The following SLC11A1 variants were observed in gnomAD, a reference collection of about 807,000 sequenced individuals.
SLC11A1 encodes the protein natural resistance-associated macrophage protein 1.
Under a neutral mutation model 63.2 loss-of-function variants are expected in SLC11A1, and 59 were observed. That is an observed-to-expected ratio of 0.93 (90% CI 0.76 to 1.16). The LOEUF is 1.16. Among genes scored for constraint, SLC11A1 ranks in the 50% most tolerant of loss-of-function variants. SLC11A1 has a pLI of 0.00. For synonymous variants in SLC11A1, 305 were observed against 307.8 expected (o/e 0.99, Z 0.09); for missense variants, 688 against 730.7 (o/e 0.94, Z 0.67).
intron 8 of SLC11A1, 34 bp downstream of exon 8, chr2:218,387,989 A>G (rs1310610670): frequency 5.2e-6 from 8 of 1,550,874 alleles, no homozygotes; most frequent in Non-Finnish European, 7.0e-6. Flanking sequence ...AGACCCCCTC[A>G]CTCAGTCGGA....
At position 218,384,964 on chromosome 2, in the gene SLC11A1, C is replaced by T. The variant is rs1695999946; in HGVS notation, c.274-183C>T. 1 of 657,898 alleles carries T rather than the reference C, an allele frequency of 1.5e-6. No homozygotes were observed. Among genetic ancestry groups the T allele is most frequent in the South Asian group, 1.9e-5 (1 of 53,624 alleles). The allele number at this position is 657,898 out of a possible 1,614,324, so 40.8% of individuals were successfully genotyped here. A position where few individuals can be genotyped will look rare whatever the true frequency, so the allele number is the denominator to read the frequency against. ...TCTTGAACTCCTGGACTCAAGCAATCCTCCCACCTTAGCCTTTTAAAGTGC... is the reference window on the plus strand; with the variant it reads ...TCTTGAACTCCTGGACTCAAGCAATTCTCCCACCTTAGCCTTTTAAAGTGC... On this transcript the variant is annotated intron_variant, in intron 3 of 14. Coordinates refer to ENST00000233202, the MANE Select transcript of SLC11A1 (RefSeq NM_000578.4). This position sits in a 1 kb window ranked among gnomAD's most constrained non-coding sequence, Gnocchi z 4.0.
intron 11 of SLC11A1, 117 bp from the exon 12 acceptor site, chr2:218,392,864 C>A: frequency 2.5e-6 from 2 of 796,540 alleles, no homozygotes; most frequent in Non-Finnish European, 1.9e-6. Flanking sequence ...CCCAGTTCAA[C>A]AGTGGAAAAA....
At chr2:218,383,296 T>C (rs969793905) in intron 2 of SLC11A1, 194 bp downstream of exon 2, 4 of 594,736 alleles carry the variant, frequency 6.7e-6, no homozygotes, top group African/African-American at 5.6e-5. Context: ...TCAGTATTTG[T>C]CTAAAAGCGA....
chr2:218,395,382 G>A lies in SLC11A1; in HGVS notation c.*347G>A, dbSNP rs1696702954. 1 of 234,456 alleles carries A rather than the reference G, an allele frequency of 4.3e-6. No individual in the cohort carries two copies. The highest frequency in any genetic ancestry group is 8.4e-6 in the Non-Finnish European group (1 of 118,634). The allele number at this position is 234,456 out of a possible 1,614,324, so 14.5% of individuals were successfully genotyped here. A position where few individuals can be genotyped will look rare whatever the true frequency, so the allele number is the denominator to read the frequency against. On this transcript the variant is annotated 3_prime_UTR_variant, in exon 15 of 15. Transcript: ENST00000233202. ...CAGCCCAAGGGTGGGTGGGGTGAGG[G>A]CTTGAGGACTTGGGCGGGACACAGG... is the stretch of plus-strand genomic sequence containing the variant.
rs1167994374 is a variant in SLC11A1 at position 218,384,248 on chromosome 2, C to A, written c.156C>A (p.Thr52=). ...CTCCTCCCACCCCCCAACAGGGCAC[C>A]TTCAGCCTGCGGAAGCTATGGGCCT... ...KIPIPDTKPG[T]FSLRKLWAFT... is the part of the protein sequence containing the mutation. Residue 52 remains threonine, a synonymous_variant, in exon 3 of 15, where the codon ACC becomes ACA. Transcript: ENST00000233202. The surrounding 1 kb of genome is among the most constrained non-coding windows in gnomAD (Gnocchi z 4.0). 2 of 1,598,540 alleles carry A rather than the reference C, an allele frequency of 1.3e-6. No individual in the cohort carries two copies. Among genetic ancestry groups the A allele is most frequent in the African/African-American group, 2.7e-5 (2 of 74,602 alleles).
intron 2 of SLC11A1, 49 bp downstream of exon 2, chr2:218,383,151 G>A: frequency 6.3e-7 from 1 of 1,596,702 alleles, no homozygotes; most frequent in Non-Finnish European, 8.6e-7. Context: ...ACAGGATCCT[G>A]AAGGATCCCA....
intron 11 of SLC11A1, 190 bp downstream of exon 11, chr2:218,391,685 C>T (rs1471720718): frequency 1.9e-5 from 13 of 694,438 alleles, no homozygotes; most frequent in African/African-American, 1.8e-4. Flanking sequence ...AGTGCAGTGG[C>T]GCGATCTCGG....
chr2:218,391,821 C>G, intron 11 of SLC11A1: 1 of 297,604 alleles, frequency 3.4e-6, no homozygotes, highest in South Asian at 3.2e-5. Context: ...CAGGGTTTCG[C>G]CATGTTGGCC....
At chr2:218,388,796 C>A (rs891990008) in intron 8 of SLC11A1, among the ~76,000 whole-genome samples, 1 of 148,268 alleles carries the variant, frequency 6.7e-6, no homozygotes, top group African/African-American at 2.5e-5. Flanking sequence ...AGCAAGACTC[C>A]GTCTCAAAAA....
At chr2:218,382,863 C>T (rs1222944638) in intron 1 of SLC11A1, 97 bp from the exon 2 acceptor site, 3 of 1,519,602 alleles carry the variant, frequency 2.0e-6, no homozygotes, top group African/African-American at 2.8e-5. Context: ...TTAGTTTCTC[C>T]ACTTTTCCGG....
At chr2:218,386,274 G>T (rs1185710922) in intron 4 of SLC11A1, among the ~76,000 whole-genome samples, 1 of 152,086 alleles carries the variant, frequency 6.6e-6, no homozygotes, top group Admixed American at 6.6e-5. Flanking sequence ...CCAACATGGA[G>T]AAACCCCGTC....
At position 218,386,862 on chromosome 2, in the gene SLC11A1, G is replaced by C; in HGVS notation, c.500+121G>C. 4.0e-6 allele frequency: 3 copies of C among 756,498 alleles called. No homozygotes were observed. The South Asian group carries it at 4.7e-5, about 12-fold the overall frequency. The allele number at this position is 756,498 out of a possible 1,614,324, so 46.9% of individuals were successfully genotyped here. On this transcript the variant is annotated intron_variant, in intron 5 of 14. Coordinates refer to ENST00000233202, the MANE Select transcript of SLC11A1 (RefSeq NM_000578.4). Reference sequence around the variant, plus strand: ...CTGCTGTCCCCTCTGAAGCAGGGCTGCTGCCCTGTTTTCCAGAAATGTAAA... The same window carrying C: ...CTGCTGTCCCCTCTGAAGCAGGGCTCCTGCCCTGTTTTCCAGAAATGTAAA...
rs1574783562 is a variant in SLC11A1 at position 218,395,311 on chromosome 2, A to C, written c.*276A>C. The C allele has an allele frequency of 8.7e-6, 3 of 343,510 alleles. No homozygotes were observed. 21.3% of individuals were successfully genotyped at this position (343,510 alleles called of 1,614,324 possible). A position where few individuals can be genotyped will look rare whatever the true frequency, so the allele number is the denominator to read the frequency against. ...CTTGGGACAAAAACAAACAAACGAA[A>C]AACATTTCAAAAGGTATTTATTGAG... is the stretch of plus-strand genomic sequence containing the variant. On this transcript the variant is annotated 3_prime_UTR_variant, in exon 15 of 15. Coordinates refer to ENST00000233202, the MANE Select transcript of SLC11A1 (RefSeq NM_000578.4).
rs1236117877 is a variant in SLC11A1 at position 218,394,909 on chromosome 2, G to T, written c.1543-16G>T. 1.2e-6 allele frequency: 2 copies of T among 1,610,166 alleles called. No individual in the cohort carries two copies. The highest frequency in any genetic ancestry group is 2.7e-5 in the African/African-American group (2 of 74,990). ...GGTCTTGGCATCTCCCCAATTCATG[G>T]TTGCCCCTCCCCCAGGTCTGGACCT... On this transcript the variant is annotated splice_polypyrimidine_tract_variant and intron_variant, in intron 14 of 14. Transcript: ENST00000233202.
intron 1 of SLC11A1, 88 bp from the exon 2 acceptor site, chr2:218,382,872 G>T: frequency 6.4e-7 from 1 of 1,553,602 alleles, no homozygotes; most frequent in Non-Finnish European, 8.8e-7. Context: ...CCACTTTTCC[G>T]GGAGGAGGAG....
intron 4 of SLC11A1, chr2:218,385,658 T>G (rs551253279): frequency 5.6e-4 from 203 of 363,276 alleles, no homozygotes; most frequent in Middle Eastern, 9.9e-4. Flanking sequence ...CCCAAAGTGC[T>G]GGGATTACAG....
intron 7 of SLC11A1, 21 bp from the exon 8 acceptor site, chr2:218,387,779 T>A: frequency 1.2e-6 from 2 of 1,611,056 alleles, no homozygotes; most frequent in South Asian, 1.1e-5. Context: ...GGGCTTGTCC[T>A]GACCAGGCTC....
At position 218,392,975 on chromosome 2, in the gene SLC11A1, C is replaced by T. The variant is rs1696539130; in HGVS notation, c.1165-6C>T. 1.3e-6 allele frequency: 2 copies of T among 1,589,504 alleles called. No homozygotes were observed. The highest frequency in any genetic ancestry group is 1.4e-5 in the African/African-American group (1 of 73,960). ...CTCCTCACCAAGGAGTTCACCCCCA[C>T]CCCAGGGCTTCCTGAGGCTGCGGTG... On this transcript the variant is annotated splice_region_variant and splice_polypyrimidine_tract_variant and intron_variant, in intron 11 of 14. Transcript: ENST00000233202.
At chr2:218,393,780 ATT>A (rs546743509) in intron 12 of SLC11A1, among the ~76,000 whole-genome samples, 4 of 143,474 alleles carry the variant, frequency 2.8e-5, no homozygotes, top group African/African-American at 2.6e-5. Flanking sequence ...GGCAGGTCTA[ATT>A]TTTTTTTTTT....
Sources: gnomAD v4.1 joint callset for allele counts (sites outside exome capture counted in the v4.1 genomes callset) on GRCh38, gnomAD v4.1.1 for gene constraint, Gnocchi (gnomAD v3.1) non-coding constraint, MANE v1.5 for transcripts, NCBI Gene and HGNC (gene_info 2026-07-23, HGNC 2026-07-21) for gene names.